The following ELAPOR2 variants were observed in gnomAD, a reference collection of about 807,000 sequenced individuals.
The protein encoded by ELAPOR2 is endosome/lysosome-associated apoptosis and autophagy regulator family member 2.
Under a neutral mutation model 120.7 loss-of-function variants are expected in ELAPOR2, and 89 were observed. The observed-to-expected ratio is 0.74, with a 90% CI of 0.62 to 0.88. The LOEUF is 0.88. ELAPOR2 is among the 40% of genes least tolerant of loss of function. The probability of loss-of-function intolerance (pLI) is 0.00; values close to 1 mark genes in which losing one functional copy is unlikely to be tolerated. For synonymous variants in ELAPOR2, 444 were observed against 444.9 expected (o/e 1.00, Z 0.03); for missense variants, 1,134 against 1,251.6 (o/e 0.91, Z 1.42).
chr7:86,911,626 T>G (rs773150615), intron 15 of ELAPOR2: 19 of 456,688 alleles, frequency 4.2e-5, no homozygotes, highest in Admixed American at 3.3e-4. Context: ...GCCTACCTTA[T>G]CAACTGATAT....
chr7:86,886,784 C>T (rs1799712721), intron 21 of ELAPOR2, among the ~76,000 whole-genome samples: 1 of 152,162 alleles, frequency 6.6e-6, no homozygotes, highest in Non-Finnish European at 1.5e-5. Flanking sequence ...TTATCCCCTA[C>T]TCCACGGCTC....
chr7:87,042,265 T>C (rs903111414), intron 1 of ELAPOR2, among the ~76,000 whole-genome samples: 20 of 146,670 alleles, frequency 1.4e-4, no homozygotes, highest in Admixed American at 6.1e-4. Context: ...GTGGACCTAA[T>C]AGACATCTAC....
chr7:86,995,738 T>C (rs1793101243), intron 1 of ELAPOR2, among the ~76,000 whole-genome samples: 2 of 152,086 alleles, frequency 1.3e-5, no homozygotes, highest in African/African-American at 4.8e-5. Flanking sequence ...CGAATAAACT[T>C]GAAGGATAGG....
chr7:86,903,168 T>A (rs1788798167), intron 18 of ELAPOR2, among the ~76,000 whole-genome samples: 1 of 152,212 alleles, frequency 6.6e-6, no homozygotes, highest in Admixed American at 6.5e-5. Context: ...ATCTCAAAAT[T>A]GATCTGAAAA....
intron 8 of ELAPOR2, among the ~76,000 whole-genome samples, chr7:86,935,001 C>A (rs150343924): frequency 1.7e-4 from 26 of 152,068 alleles, no homozygotes; most frequent in African/African-American, 6.0e-4. Flanking sequence ...CATTCACTTC[C>A]TTCTTCTCTC....
chr7:86,934,798 A>G (rs1790496082), intron 8 of ELAPOR2, among the ~76,000 whole-genome samples: 1 of 151,828 alleles, frequency 6.6e-6, no homozygotes, highest in Non-Finnish European at 1.5e-5. Context: ...CTCTTGCCCC[A>G]TCTCACAACT....
chr7:86,896,122 C>T (rs1244557162), intron 19 of ELAPOR2, among the ~76,000 whole-genome samples: 3 of 152,040 alleles, frequency 2.0e-5, no homozygotes, highest in Non-Finnish European at 2.9e-5. Context: ...AACACATTTC[C>T]TAATTTTTGT....
At chr7:87,013,962 T>C (rs1793779813) in intron 1 of ELAPOR2, among the ~76,000 whole-genome samples, 1 of 152,086 alleles carries the variant, frequency 6.6e-6, no homozygotes. Context: ...CTCTGCCTTC[T>C]TGTTTCAGCT....
At chr7:86,900,400 G>A (rs1035705579) in intron 18 of ELAPOR2, among the ~76,000 whole-genome samples, 5 of 152,118 alleles carry the variant, frequency 3.3e-5, no homozygotes, top group Non-Finnish European at 5.9e-5. Context: ...CTGCTATACT[G>A]CCTTCACGGG....
intron 18 of ELAPOR2, among the ~76,000 whole-genome samples, chr7:86,900,665 A>T (rs1788678509): frequency 6.6e-6 from 1 of 152,198 alleles, no homozygotes; most frequent in East Asian, 1.9e-4. Context: ...AGTTTACCTT[A>T]GAGTCAATTA....
chr7:86,896,139 G>C (rs1217272249), intron 19 of ELAPOR2, among the ~76,000 whole-genome samples: 1 of 151,914 alleles, frequency 6.6e-6, no homozygotes, highest in Non-Finnish European at 1.5e-5. Flanking sequence ...TTGTTTTTGT[G>C]TTGTCTGCTT....
intron 6 of ELAPOR2, among the ~76,000 whole-genome samples, chr7:86,939,189 C>T (rs552852490): frequency 6.6e-6 from 1 of 152,190 alleles, no homozygotes; most frequent in East Asian, 1.9e-4. Flanking sequence ...AGGTATAATA[C>T]TTGTATTAAC....
chr7:87,026,330 T>A (rs942134310), intron 1 of ELAPOR2, among the ~76,000 whole-genome samples: 27 of 152,100 alleles, frequency 1.8e-4, no homozygotes, highest in Non-Finnish European at 2.9e-4. Flanking sequence ...GAAGAAGCCA[T>A]GGAGAATATG....
chr7:86,947,936 G>A lies in ELAPOR2; in HGVS notation c.311-14C>T, dbSNP rs1043055703. The A allele has an allele frequency of 7.1e-6, 11 of 1,541,474 alleles. No individual in the cohort carries two copies. Among genetic ancestry groups the A allele is most frequent in the Admixed American group, 2.0e-5 (1 of 50,860 alleles). The stretch of plus-strand genomic sequence containing the variant: ...CACAGGAGAAAGCTGGAAGGCAGAA[G>A]AATGGACAACCCATTACTTACCCTC... On this transcript the variant is annotated splice_polypyrimidine_tract_variant and intron_variant, in intron 2 of 21. Coordinates refer to ENST00000450689, the MANE Select transcript of ELAPOR2 (RefSeq NM_001142749.3).
intron 20 of ELAPOR2, 36 bp from the exon 21 acceptor site, chr7:86,891,925 C>A: frequency 1.6e-6 from 2 of 1,281,774 alleles, no homozygotes; most frequent in Non-Finnish European, 2.2e-6. Flanking sequence ...AAATAAGTAT[C>A]CATTTATGTT....
intron 1 of ELAPOR2, among the ~76,000 whole-genome samples, chr7:87,050,781 T>C (rs1447644795): frequency 6.6e-6 from 1 of 152,178 alleles, no homozygotes; most frequent in Non-Finnish European, 1.5e-5. Flanking sequence ...AATGGTAGTA[T>C]GGCCCAGAAA....
chr7:86,961,985 T>C (rs1337206780), intron 2 of ELAPOR2, among the ~76,000 whole-genome samples: 1 of 152,120 alleles, frequency 6.6e-6, no homozygotes, highest in Non-Finnish European at 1.5e-5. Flanking sequence ...AAAAAGACAA[T>C]GGGGATCAGT....
At chr7:86,938,501 GT>G (rs1790660834) in intron 7 of ELAPOR2, among the ~76,000 whole-genome samples, 1 of 151,934 alleles carries the variant, frequency 6.6e-6, no homozygotes, top group African/African-American at 2.4e-5. Context: ...CAAATTAAAA[GT>G]TTCTATATAC....
chr7:86,892,122 C>T (rs1266468305), intron 20 of ELAPOR2, among the ~76,000 whole-genome samples: 3 of 151,980 alleles, frequency 2.0e-5, no homozygotes, highest in Non-Finnish European at 4.4e-5. Flanking sequence ...GTTAATTCTA[C>T]CACTTTACAT....
Sources: gnomAD v4.1 joint callset for allele counts (sites outside exome capture counted in the v4.1 genomes callset) on GRCh38, gnomAD v4.1.1 for gene constraint, MANE v1.5 for transcripts, NCBI Gene and HGNC (gene_info 2026-07-23, HGNC 2026-07-21) for gene names.